SLC35F3: variants seen among roughly 807,000 people sequenced by gnomAD.
SLC35F3 encodes the protein solute carrier family 35 member F3, also known as putative thiamine transporter SLC35F3.
SLC35F3 carries 25 observed loss-of-function variants against 49.9 expected under a neutral mutation model. The ratio of observed to expected loss-of-function variants is 0.50; its 90% CI spans 0.37 to 0.70. The LOEUF (loss-of-function observed/expected upper bound fraction) is 0.70. SLC35F3 is among the 30% of genes least tolerant of loss of function. The pLI is 0.00. For synonymous variants in SLC35F3, 275 were observed against 265.4 expected, an observed-to-expected ratio of 1.04 and a Z score of -0.35; for missense variants, 525 against 639.8, an observed-to-expected ratio of 0.82 and a Z score of 1.94.
At chr1:234,191,104 C>T (rs1558255295) in intron 2 of SLC35F3, among the ~76,000 whole-genome samples, 2 of 152,170 alleles carry the variant, frequency 1.3e-5, no homozygotes, top group African/African-American at 4.8e-5. Context: ...TTATTGCTAA[C>T]AGGCTTCAAT....
At chr1:234,145,350 C>T (rs1352265564) in intron 2 of SLC35F3, among the ~76,000 whole-genome samples, 1 of 152,140 alleles carries the variant, frequency 6.6e-6, no homozygotes, top group African/African-American at 2.4e-5. Context: ...ACTAGTCATC[C>T]AACACAGTCT....
intron 2 of SLC35F3, among the ~76,000 whole-genome samples, chr1:234,111,635 G>A (rs916711199): frequency 3.9e-5 from 6 of 152,166 alleles, no homozygotes; most frequent in Non-Finnish European, 7.4e-5. Flanking sequence ...AGAGCCAGCA[G>A]CACAGTGGCC....
At chr1:234,131,352 T>C (rs1665733435) in intron 2 of SLC35F3, among the ~76,000 whole-genome samples, 1 of 152,162 alleles carries the variant, frequency 6.6e-6, no homozygotes, top group Non-Finnish European at 1.5e-5. Flanking sequence ...AGCTGGGCCC[T>C]GGAATTGTAA....
At chr1:234,278,690 A>G (rs1476303102) in intron 3 of SLC35F3, among the ~76,000 whole-genome samples, 1 of 152,120 alleles carries the variant, frequency 6.6e-6, no homozygotes, top group Non-Finnish European at 1.5e-5. Flanking sequence ...GAAGTTCAAG[A>G]TCAAGGTGCT....
chr1:234,269,370 T>C (rs544555404), intron 3 of SLC35F3, among the ~76,000 whole-genome samples: 9 of 152,136 alleles, frequency 5.9e-5, no homozygotes, highest in Non-Finnish European at 1.0e-4. Context: ...TAGAACAGAA[T>C]AGATCAACCA....
At chr1:234,088,238 CAG>C (rs1047474693) in intron 2 of SLC35F3, among the ~76,000 whole-genome samples, 5 of 152,162 alleles carry the variant, frequency 3.3e-5, no homozygotes, top group Non-Finnish European at 5.9e-5. Context: ...TGTTTTGAGA[CAG>C]AGTCTCGCCC....
chr1:234,025,651 A>G (rs113371201), intron 2 of SLC35F3, among the ~76,000 whole-genome samples: 216 of 152,174 alleles, frequency 1.4e-3, no homozygotes, highest in Middle Eastern at 6.8e-3. Context: ...TCCTTTGCCT[A>G]TTTTTTAATG....
chr1:234,220,994 C>T (rs1350927741), intron 2 of SLC35F3, among the ~76,000 whole-genome samples: 1 of 151,960 alleles, frequency 6.6e-6, no homozygotes, highest in African/African-American at 2.4e-5. Flanking sequence ...TCCTGGTGAC[C>T]GTGCACATTT....
intron 2 of SLC35F3, among the ~76,000 whole-genome samples, chr1:233,940,863 C>A (rs540513468): frequency 1.2e-3 from 178 of 152,218 alleles, no homozygotes; most frequent in Non-Finnish European, 1.9e-3. Flanking sequence ...AAAGAGAATG[C>A]ACATTAATAT....
At chr1:234,299,340 T>G (rs568853055) in intron 3 of SLC35F3, among the ~76,000 whole-genome samples, 12 of 152,258 alleles carry the variant, frequency 7.9e-5, no homozygotes, top group African/African-American at 2.6e-4. Flanking sequence ...ATACTTTTAG[T>G]TGAGACCAAC....
intron 2 of SLC35F3, among the ~76,000 whole-genome samples, chr1:233,991,255 C>T (rs10910322): frequency 0.3 from 45,871 of 151,876 alleles, 8,435 homozygotes; most frequent in Non-Finnish European, 0.42. Flanking sequence ...TGTCTGGGCC[C>T]CTGTGGCAGC....
intron 3 of SLC35F3, among the ~76,000 whole-genome samples, chr1:234,246,658 C>T (rs1388832080): frequency 6.6e-6 from 1 of 152,192 alleles, no homozygotes; most frequent in Non-Finnish European, 1.5e-5. Flanking sequence ...ATGCAGGCCA[C>T]TGACAACACA....
At chr1:234,309,030 T>C (rs1241111552) in intron 3 of SLC35F3, 71 bp from the exon 4 acceptor site, 4 of 1,096,776 alleles carry the variant, frequency 3.6e-6, no homozygotes, top group Admixed American at 2.6e-5. Flanking sequence ...AAAAAAAAAC[T>C]TGCTATAGGA....
intron 2 of SLC35F3, among the ~76,000 whole-genome samples, chr1:233,998,436 A>G (rs79137866): frequency 0.11 from 16,193 of 151,904 alleles, 1,998 homozygotes; most frequent in African/African-American, 0.3. Flanking sequence ...ACTGAGTATT[A>G]TACCAGATAC....
chr1:233,913,894 G>A (rs1661926252), intron 2 of SLC35F3, among the ~76,000 whole-genome samples: 2 of 152,146 alleles, frequency 1.3e-5, no homozygotes, highest in Admixed American at 1.3e-4. Context: ...AAAATGATGT[G>A]GAAAAAATGA....
intron 2 of SLC35F3, among the ~76,000 whole-genome samples, chr1:234,130,044 A>C (rs1665711291): frequency 6.6e-6 from 1 of 152,238 alleles, no homozygotes; most frequent in South Asian, 2.1e-4. Context: ...GTGTCATCAA[A>C]TATAAAAACT....
At chr1:234,236,925 T>TTATTTATATA (rs1667480636) in intron 3 of SLC35F3, among the ~76,000 whole-genome samples, 3 of 96,294 alleles carry the variant, frequency 3.1e-5, no homozygotes, top group Non-Finnish European at 4.1e-5. Flanking sequence ...AAAAAAAAAA[T>TTATTTATATA]TATATATATA....
chr1:233,946,279 T>C (rs572895905), intron 2 of SLC35F3, among the ~76,000 whole-genome samples: 11 of 152,308 alleles, frequency 7.2e-5, no homozygotes, highest in African/African-American at 2.6e-4. Context: ...TCAACAAGAT[T>C]CTTTTATCTC....
intron 3 of SLC35F3, among the ~76,000 whole-genome samples, chr1:234,301,484 G>T (rs753682060): frequency 6.6e-6 from 1 of 152,066 alleles, no homozygotes; most frequent in Non-Finnish European, 1.5e-5. Context: ...ATCAAAATCA[G>T]AATGCGATAC....
Sources: gnomAD v4.1 joint callset for allele counts (sites outside exome capture counted in the v4.1 genomes callset) on GRCh38, gnomAD v4.1.1 for gene constraint, MANE v1.5 for transcripts, NCBI Gene and HGNC (gene_info 2026-07-23, HGNC 2026-07-21) for gene names.